RBFOX1: variants seen among roughly 807,000 people sequenced by gnomAD.
RBFOX1 encodes the protein RNA binding fox-1 homolog 1.
RBFOX1 carries 8 observed loss-of-function variants against 57.7 expected under a neutral mutation model. The observed-to-expected ratio is 0.14, with a 90% CI of 0.08 to 0.25. RBFOX1 has a LOEUF of 0.25. RBFOX1 is among the 10% of genes least tolerant of loss of function. RBFOX1 has a pLI of 1.00. For synonymous variants in RBFOX1, 326 were observed against 222.4 expected, an observed-to-expected ratio of 1.47 and a Z score of -4.15; for missense variants, 611 against 548.5, an observed-to-expected ratio of 1.11 and a Z score of -1.14.
At chr16:5,411,590 G>A (rs986234745) in intron 1 of RBFOX1, among the ~76,000 whole-genome samples, 2 of 152,180 alleles carry the variant, frequency 1.3e-5, no homozygotes, top group African/African-American at 4.8e-5. Flanking sequence ...GTGGCAATTT[G>A]TTACAGCAGC....
At chr16:7,384,595 G>T (rs897979128) in intron 4 of RBFOX1, among the ~76,000 whole-genome samples, 3 of 152,272 alleles carry the variant, frequency 2.0e-5, no homozygotes, top group South Asian at 2.1e-4. Context: ...GAAATAGGAG[G>T]GAGAGGGGTC....
chr16:5,930,127 C>A (rs56073004), intron 4 of RBFOX1, among the ~76,000 whole-genome samples: 1 of 151,324 alleles, frequency 6.6e-6, no homozygotes, highest in Non-Finnish European at 1.5e-5. Context: ...GACAGGGTGC[C>A]TCCAGGGGCA....
chr16:6,797,624 A>AT (rs1237048236), intron 3 of RBFOX1, among the ~76,000 whole-genome samples: 2 of 152,154 alleles, frequency 1.3e-5, no homozygotes, highest in African/African-American at 4.8e-5. Context: ...TAACAATAGC[A>AT]TACTGGGCAC....
chr16:6,914,546 C>T (rs1355270430), intron 3 of RBFOX1, among the ~76,000 whole-genome samples: 2 of 147,858 alleles, frequency 1.4e-5, no homozygotes, highest in Non-Finnish European at 3.0e-5. Flanking sequence ...GTTTTCAGCT[C>T]CAGAAGAAAA....
At chr16:5,968,719 G>A (rs556898450) in intron 4 of RBFOX1, among the ~76,000 whole-genome samples, 24 of 151,956 alleles carry the variant, frequency 1.6e-4, no homozygotes, top group African/African-American at 4.6e-4. Context: ...TTTTTGTTTC[G>A]ATGTGTGATT....
intron 4 of RBFOX1, among the ~76,000 whole-genome samples, chr16:7,118,226 T>C (rs567961968): frequency 6.6e-6 from 1 of 152,270 alleles, no homozygotes; most frequent in East Asian, 1.9e-4. Flanking sequence ...AGAGTCCCCA[T>C]TTCACCACAT....
intron 1 of RBFOX1, among the ~76,000 whole-genome samples, chr16:6,280,423 A>G (rs775367598): frequency 1.3e-5 from 2 of 152,072 alleles, no homozygotes; most frequent in Non-Finnish European, 2.9e-5. Context: ...TACCTTTAGT[A>G]GGAGAAAGAT....
intron 3 of RBFOX1, among the ~76,000 whole-genome samples, chr16:5,703,319 A>G (rs1052258986): frequency 5.3e-5 from 8 of 152,194 alleles, no homozygotes; most frequent in Admixed American, 4.6e-4. Context: ...TGAAAGATGT[A>G]TAAGAATTGG....
At chr16:7,293,700 A>G (rs1470905740) in intron 4 of RBFOX1, among the ~76,000 whole-genome samples, 4 of 152,098 alleles carry the variant, frequency 2.6e-5, no homozygotes, top group East Asian at 3.9e-4. Context: ...GATTTTTGAG[A>G]GCCAGGAAGG....
chr16:6,371,651 C>G (rs1000881541), intron 2 of RBFOX1, among the ~76,000 whole-genome samples: 4 of 152,076 alleles, frequency 2.6e-5, no homozygotes, highest in East Asian at 1.9e-4. Flanking sequence ...GTAATCCTTC[C>G]TTTGATTGGA....
intron 3 of RBFOX1, among the ~76,000 whole-genome samples, chr16:5,743,432 C>T (rs1369442847): frequency 2.6e-5 from 4 of 152,136 alleles, no homozygotes; most frequent in Admixed American, 2.6e-4. Context: ...AGGAGTCTTA[C>T]ATTCCCATAA....
intron 3 of RBFOX1, among the ~76,000 whole-genome samples, chr16:6,999,225 A>ATTTTTATTTTTT (rs200620958): frequency 8.1e-6 from 1 of 122,956 alleles, no homozygotes; most frequent in Non-Finnish European, 1.7e-5. Context: ...TATTTTTTTT[A>ATTTTTATTTTTT]TTTATTTTTT....
chr16:7,531,907 C>A (rs2080180157), intron 5 of RBFOX1, among the ~76,000 whole-genome samples: 1 of 152,074 alleles, frequency 6.6e-6, no homozygotes. Flanking sequence ...CTAACCCATC[C>A]CCTTCCCCAG....
At chr16:6,814,239 G>A (rs1347236475) in intron 3 of RBFOX1, among the ~76,000 whole-genome samples, 1 of 139,392 alleles carries the variant, frequency 7.2e-6, no homozygotes, top group African/African-American at 2.6e-5. Context: ...AACACAGAGA[G>A]AAAATTGTGG....
intron 1 of RBFOX1, among the ~76,000 whole-genome samples, chr16:5,386,418 A>C (rs1011798795): frequency 2.3e-4 from 35 of 152,168 alleles, no homozygotes; most frequent in African/African-American, 7.9e-4. Context: ...CTCACTGCTG[A>C]GCCACGCAAG....
Position 6,812,965 on chromosome 16 carries a change from A to T in RBFOX1, c.-16+158315A>T, listed in dbSNP as rs150237205. Among the ~76,000 whole-genome samples the T allele has an allele frequency of 3.5e-3, 540 of 152,310 alleles. 4 individuals are homozygous for T. Among genetic ancestry groups the T allele is most frequent in the African/African-American group, 0.012 (501 of 41,566 alleles). On this transcript the variant is annotated intron_variant, in intron 3 of 15. Coordinates refer to ENST00000550418, the MANE Select transcript of RBFOX1 (RefSeq NM_018723.4). ...TGGGAGAATAGGGAAGTAAAGGAAGATGTTTAAATTCCCTACTTCTCTCTT... is the reference window on the plus strand; with the variant it reads ...TGGGAGAATAGGGAAGTAAAGGAAGTTGTTTAAATTCCCTACTTCTCTCTT...
At chr16:5,750,247 C>T (rs561923237) in intron 3 of RBFOX1, among the ~76,000 whole-genome samples, 1 of 152,172 alleles carries the variant, frequency 6.6e-6, no homozygotes, top group Non-Finnish European at 1.5e-5. Context: ...AGAGGGGCAC[C>T]CGACTGCATG....
intron 2 of RBFOX1, among the ~76,000 whole-genome samples, chr16:5,475,396 A>C (rs2069285640): frequency 6.6e-6 from 1 of 152,216 alleles, no homozygotes; most frequent in South Asian, 2.1e-4. Flanking sequence ...TAAGATTCAA[A>C]GTCAAGAATG....
At chr16:6,000,131 G>T (rs967476940) in intron 4 of RBFOX1, among the ~76,000 whole-genome samples, 1 of 152,054 alleles carries the variant, frequency 6.6e-6, no homozygotes, top group African/African-American at 2.4e-5. Context: ...CATAGGACAC[G>T]TTCACTCAGT....
Sources: allele counts gnomAD v4.1 joint callset (sites outside exome capture counted in the v4.1 genomes callset), GRCh38; gene constraint gnomAD v4.1.1; transcripts MANE v1.5; gene names NCBI Gene and HGNC (gene_info 2026-07-23, HGNC 2026-07-21).